Variants in ATP11C observed in about 807,000 individuals in gnomAD.
The protein encoded by ATP11C is ATPase phospholipid transporting 11C (ATP11C blood group), also known as phospholipid-transporting ATPase IG.
ATP11C carries 36 observed loss-of-function variants against 97.4 expected under a neutral mutation model. The observed-to-expected ratio is 0.37, with a 90% CI of 0.28 to 0.49. The LOEUF is 0.49. ATP11C is among the 20% of genes least tolerant of loss of function. The pLI is 0.98. For missense variants in ATP11C, 730 were observed against 824.6 expected, an observed-to-expected ratio of 0.89 and a Z score of 1.40; for synonymous variants, 275 against 290.9, an observed-to-expected ratio of 0.95 and a Z score of 0.56.
At chrX:139,816,590 A>T (rs1310348711) in intron 4 of ATP11C, among the ~76,000 whole-genome samples, 1 of 112,330 alleles carries the variant, frequency 8.9e-6, no homozygotes, top group Admixed American at 9.5e-5. Context: ...AATATGCATT[A>T]AAAAATCTGC....
chrX:139,909,260 T>C (rs1224018613), intron 1 of ATP11C, among the ~76,000 whole-genome samples: 3 of 110,981 alleles, frequency 2.7e-5, no homozygotes, highest in Non-Finnish European at 5.7e-5. Context: ...GCCTCCCGAG[T>C]GGCTGGGATT....
At position 139,824,342 on chromosome X, in the gene ATP11C, G is replaced by C. The variant is rs112763493; in HGVS notation, c.147+2362C>G. Among the ~76,000 whole-genome samples, 1,065 of 110,251 alleles carry C rather than the reference G, an allele frequency of 9.7e-3. 22 individuals carry two copies. The highest frequency in any genetic ancestry group is 0.034 in the African/African-American group (1,019 of 30,138). ...CAAAATCCCTGCAGAGTACATTAAA[G>C]TTTGTGAGGCTGTAGAGGCCAAATT... On this transcript the variant is annotated intron_variant, in intron 2 of 29. Transcript: ENST00000682941.
At chrX:139,903,793 T>C (rs1024821399) in intron 1 of ATP11C, among the ~76,000 whole-genome samples, 1 of 110,551 alleles carries the variant, frequency 9.0e-6, no homozygotes, top group Admixed American at 9.7e-5. Flanking sequence ...AATTTCTGGG[T>C]TGTTTAAGCT....
chrX:139,821,834 TTACTC>T (rs948153947), intron 2 of ATP11C, among the ~76,000 whole-genome samples: 1 of 112,401 alleles, frequency 8.9e-6, no homozygotes, highest in Non-Finnish European at 1.9e-5. Flanking sequence ...CCCTAGCCAT[TTACTC>T]TACTGGTTTA....
At chrX:139,782,994 T>C (rs1328450063) in intron 17 of ATP11C, among the ~76,000 whole-genome samples, 170 bp downstream of exon 17, 1 of 112,120 alleles carries the variant, frequency 8.9e-6, no homozygotes, top group Non-Finnish European at 1.9e-5. Context: ...GAAAATGTTT[T>C]ATATTAAGAT....
At chrX:139,905,914 G>A (rs981781785) in intron 1 of ATP11C, among the ~76,000 whole-genome samples, 2 of 111,220 alleles carry the variant, frequency 1.8e-5, no homozygotes, top group Non-Finnish European at 3.8e-5. Flanking sequence ...ACTGACAATG[G>A]CTAATTGAAG....
At chrX:139,828,246 A>G (rs2147886188) in intron 1 of ATP11C, among the ~76,000 whole-genome samples, 1 of 112,007 alleles carries the variant, frequency 8.9e-6, no homozygotes, top group Admixed American at 9.5e-5. Context: ...GGTCCTTCGC[A>G]TGCTAAGAGT....
chrX:139,827,423 A>G (rs1302079518), intron 1 of ATP11C, among the ~76,000 whole-genome samples: 1 of 112,024 alleles, frequency 8.9e-6, no homozygotes, highest in African/African-American at 3.2e-5. Context: ...TCATTGTTGT[A>G]AAGTTCCAAT....
chrX:139,786,255 A>G (rs2082570469), intron 15 of ATP11C, among the ~76,000 whole-genome samples: 2 of 111,944 alleles, frequency 1.8e-5, no homozygotes, highest in Non-Finnish European at 3.8e-5. Flanking sequence ...TTGAAAATAA[A>G]CAACTAGTAT....
At chrX:139,935,512 A>G (rs937524109), upstream of ATP11C, among the ~76,000 whole-genome samples, 2 of 111,579 alleles carry the variant, frequency 1.8e-5, no homozygotes, top group African/African-American at 6.5e-5. Flanking sequence ...TGTAGGTTGC[A>G]GTGAGCCGAG....
At chrX:139,762,222 CT>C in intron 21 of ATP11C, 116 bp from the exon 22 acceptor site, 1 of 633,625 alleles carries the variant, frequency 1.6e-6, no homozygotes, top group Non-Finnish European at 2.3e-6. Context: ...ATTAGTTTTC[CT>C]TTTTTAAAAA....
intron 27 of ATP11C, among the ~76,000 whole-genome samples, chrX:139,738,877 A>G (rs2081499221): frequency 9.0e-6 from 1 of 110,882 alleles, no homozygotes; most frequent in Non-Finnish European, 1.9e-5. Flanking sequence ...AGACTGCCCT[A>G]GGATTAAAGA....
intron 1 of ATP11C, among the ~76,000 whole-genome samples, chrX:139,904,230 A>G (rs1286796690): frequency 4.5e-5 from 5 of 111,844 alleles, no homozygotes; most frequent in Admixed American, 1.9e-4. Flanking sequence ...GAGTAAACTA[A>G]AACACGCATG....
intron 24 of ATP11C, 149 bp downstream of exon 24, chrX:139,749,876 G>T: frequency 1.9e-6 from 1 of 513,292 alleles, no homozygotes; most frequent in Admixed American, 3.4e-5. Context: ...CTGTTGAGCA[G>T]TCTGCTTTCA....
At position 139,812,548 on chromosome X, in the gene ATP11C, T is replaced by G. The variant is rs371379161; in HGVS notation, c.426+2330A>C. ...CTTTGTTTGTTGTTACTGTTGTTGG[T>G]TTTTTTTTTTTTTTGAGACAGGGTC... On this transcript the variant is annotated intron_variant, in intron 5 of 29. Transcript: ENST00000682941. 5.3e-4 allele frequency among the ~76,000 whole-genome samples: 48 copies of G among 90,020 alleles called. No individual in the cohort carries two copies. In the East Asian group the frequency reaches 0.014, roughly 26 times the overall value. 78.2% of individuals were successfully genotyped at this position (90,020 alleles called of 115,157 possible).
Position 139,774,792 on chromosome X carries a change from A to G in ATP11C, c.2114T>C (p.Ile705Thr), listed in dbSNP as rs145685259. 3.3e-5 allele frequency: 40 copies of G among 1,210,313 alleles called. No individual in the cohort carries two copies. Among genetic ancestry groups the G allele is most frequent in the African/African-American group, 2.1e-4 (12 of 57,263 alleles). The change falls in exon 19 of 30, where the codon ATT becomes ACT. Residue 705 changes from isoleucine to threonine, a missense_variant. Physicochemically the swap from Ile to Thr is moderately conservative, Grantham distance 89 (BLOSUM62 -1). Coordinates refer to ENST00000682941, the MANE Select transcript of ATP11C (RefSeq NM_001353812.2). ...TELLELTTKT[I>T]EESERKEDRL... is the part of the protein sequence containing the mutation. ...ATCTTCTTTCCTTTCACTTTCTTCA[A>G]TGGTTTTTGTGGTTAGTTCTAAGAG...
chrX:139,927,854 T>G (rs2085376998), intron 1 of ATP11C, among the ~76,000 whole-genome samples: 1 of 111,793 alleles, frequency 8.9e-6, no homozygotes. Context: ...TAACAAGAAC[T>G]CATTCTTTGC....
At chrX:139,890,216 T>C (rs182123902) in intron 1 of ATP11C, among the ~76,000 whole-genome samples, 2 of 111,196 alleles carry the variant, frequency 1.8e-5, no homozygotes, top group East Asian at 2.8e-4. Context: ...TGCATGGTTC[T>C]GGCTTTGCAA....
At chrX:139,813,813 GGT>G (rs938436983) in intron 5 of ATP11C, among the ~76,000 whole-genome samples, 7 of 111,404 alleles carry the variant, frequency 6.3e-5, no homozygotes, top group Admixed American at 1.9e-4. Flanking sequence ...AAACTATCCT[GGT>G]ATGACACTAC....
Sources: gnomAD v4.1 joint callset for allele counts (sites outside exome capture counted in the v4.1 genomes callset) on GRCh38, gnomAD v4.1.1 for gene constraint, MANE v1.5 for transcripts, NCBI Gene and HGNC (gene_info 2026-07-23, HGNC 2026-07-21) for gene names.